Variants in COL21A1 observed in about 807,000 individuals in gnomAD.
COL21A1 encodes the protein collagen alpha-1(XXI) chain.
Under a neutral mutation model 137.9 loss-of-function variants are expected in COL21A1, and 149 were observed. The ratio of observed to expected loss-of-function variants is 1.08; its 90% CI spans 0.95 to 1.24. The LOEUF (loss-of-function observed/expected upper bound fraction) is 1.24, where lower values mean the gene tolerates loss of function less well. COL21A1 is among the 50% of genes most tolerant of loss of function. The probability of loss-of-function intolerance (pLI) is 0.00; values close to 1 mark genes in which losing one functional copy is unlikely to be tolerated. For synonymous variants in COL21A1, 456 were observed against 391.5 expected (o/e 1.16, Z -1.95); for missense variants, 1,167 against 1,158.4 (o/e 1.01, Z -0.11).
In COL21A1 at chr6:56,154,862, T is replaced by C. The variant is rs78448685; in HGVS notation, c.1434+2025A>G. Among the ~76,000 whole-genome samples, 1,241 of 152,268 alleles carry C rather than the reference T, an allele frequency of 8.2e-3. 19 individuals are homozygous for C. Among genetic ancestry groups the C allele is most frequent in the African/African-American group, 0.029 (1,197 of 41,540 alleles). On this transcript the variant is annotated intron_variant, in intron 10 of 29. Coordinates refer to ENST00000244728, the MANE Select transcript of COL21A1 (RefSeq NM_030820.4). ...CATTTCCAGGTGGCTACCACTTTTG[T>C]TTACCCCTTCAGCCTCCCTACTTTT...
chr6:56,113,009 A>G (rs548116745), intron 16 of COL21A1, among the ~76,000 whole-genome samples: 7 of 152,332 alleles, frequency 4.6e-5, no homozygotes, highest in Admixed American at 1.3e-4. Flanking sequence ...AACCAGCCCC[A>G]GCCAAAGGAG....
chr6:56,200,305 C>T (rs1779296707), intron 1 of COL21A1, among the ~76,000 whole-genome samples: 1 of 151,976 alleles, frequency 6.6e-6, no homozygotes, highest in South Asian at 2.1e-4. Flanking sequence ...TCATGATCTG[C>T]TTTTTTTAAA....
chr6:56,239,074 C>A (rs986518628), intron 1 of COL21A1, among the ~76,000 whole-genome samples: 1 of 152,278 alleles, frequency 6.6e-6, no homozygotes, highest in Non-Finnish European at 1.5e-5. Context: ...AACCATACAA[C>A]ACTCATAATC....
At chr6:56,167,563 A>G (rs542916919) in intron 6 of COL21A1, among the ~76,000 whole-genome samples, 20 of 152,350 alleles carry the variant, frequency 1.3e-4, no homozygotes, top group African/African-American at 4.8e-4. Context: ...ACCTTTTCAA[A>G]TAAAGGGTTT....
chr6:56,352,787 C>A (rs1765740374), intron 1 of COL21A1, among the ~76,000 whole-genome samples: 1 of 152,152 alleles, frequency 6.6e-6, no homozygotes, highest in African/African-American at 2.4e-5. Flanking sequence ...CACCTGTAAT[C>A]CCAGCACTTT....
At position 56,273,277 on chromosome 6, in the gene COL21A1, G is replaced by A. The variant is rs142677204; in HGVS notation, c.-38-90621C>T. 5.2e-3 allele frequency among the ~76,000 whole-genome samples: 797 copies of A among 152,198 alleles called. 8 individuals carry two copies. Among genetic ancestry groups the A allele is most frequent in the African/African-American group, 0.016 (683 of 41,538 alleles). On this transcript the variant is annotated intron_variant, in intron 1 of 28. Coordinates refer to the COL21A1 transcript ENST00000370819. ...CTTCATAGTGCTAAACACCTTCATC[G>A]AGAAGTTAGAAACATCTCAAATTAA... is the stretch of plus-strand genomic sequence containing the variant.
At chr6:56,236,674 A>G (rs1322097519) in intron 1 of COL21A1, among the ~76,000 whole-genome samples, 3 of 152,072 alleles carry the variant, frequency 2.0e-5, no homozygotes, top group African/African-American at 7.2e-5. Context: ...ATGGAACTCA[A>G]TTAAACAGAG....
At chr6:56,195,572 AT>A (rs1337515892) in intron 1 of COL21A1, among the ~76,000 whole-genome samples, 1 of 152,158 alleles carries the variant, frequency 6.6e-6, no homozygotes, top group Non-Finnish European at 1.5e-5. Context: ...ATTATAAATG[AT>A]AGTTCAGAGA....
At chr6:56,143,199 C>CTT (rs1201380404) in intron 10 of COL21A1, among the ~76,000 whole-genome samples, 64 of 124,528 alleles carry the variant, frequency 5.1e-4, no homozygotes, top group East Asian at 8.9e-4. Context: ...TACAATTTTT[C>CTT]TTTTTTTTTT....
chr6:56,185,080 C>T (rs1778176529), intron 1 of COL21A1, among the ~76,000 whole-genome samples: 1 of 151,398 alleles, frequency 6.6e-6, no homozygotes, highest in Non-Finnish European at 1.5e-5. Context: ...TAAAGCAGCA[C>T]TTACAGAGAA....
chr6:56,119,094 A>T (rs1175286339), intron 16 of COL21A1, among the ~76,000 whole-genome samples: 2 of 152,112 alleles, frequency 1.3e-5, no homozygotes, highest in African/African-American at 4.8e-5. Context: ...ATCAGACAAG[A>T]GAAAGTTATA....
intron 5 of COL21A1, among the ~76,000 whole-genome samples, 184 bp downstream of exon 5, chr6:56,170,465 C>T (rs556464288): frequency 6.6e-6 from 1 of 152,034 alleles, no homozygotes; most frequent in South Asian, 2.1e-4. Context: ...CATTTGTCCC[C>T]ATATTGATCA....
At chr6:56,218,135 A>G (rs1412259770) in intron 1 of COL21A1, among the ~76,000 whole-genome samples, 2 of 152,098 alleles carry the variant, frequency 1.3e-5, no homozygotes, top group African/African-American at 2.4e-5. Context: ...ATACACTAAA[A>G]ATGTTTCTGG....
At chr6:56,240,082 C>T (rs1782189419) in intron 1 of COL21A1, among the ~76,000 whole-genome samples, 1 of 151,994 alleles carries the variant, frequency 6.6e-6, no homozygotes, top group South Asian at 2.1e-4. Context: ...CTGTCTGCCA[C>T]CAGGCAAGAT....
At chr6:56,237,304 T>A (rs1781967295) in intron 1 of COL21A1, among the ~76,000 whole-genome samples, 1 of 152,114 alleles carries the variant, frequency 6.6e-6, no homozygotes, top group Non-Finnish European at 1.5e-5. Flanking sequence ...AAAACAGGTT[T>A]GCCCTGTCTA....
intron 1 of COL21A1, among the ~76,000 whole-genome samples, chr6:56,259,655 T>C (rs1763203832): frequency 6.6e-6 from 1 of 152,250 alleles, no homozygotes; most frequent in African/African-American, 2.4e-5. Flanking sequence ...ATGCATCTCA[T>C]TGTTTCTCTT....
At chr6:56,164,274 G>GA (rs951534786) in intron 9 of COL21A1, 149 bp downstream of exon 9, 72 of 615,144 alleles carry the variant, frequency 1.2e-4, no homozygotes, top group African/African-American at 5.2e-4. Context: ...TGTTTTTCTA[G>GA]AAAAAAAATG....
At chr6:56,373,387 AG>A (rs1362140898) in intron 1 of COL21A1, among the ~76,000 whole-genome samples, 2 of 152,186 alleles carry the variant, frequency 1.3e-5, no homozygotes, top group African/African-American at 2.4e-5. Flanking sequence ...GGATCACTTG[AG>A]GTCAGGAGTT....
chr6:56,126,842 T>C (rs189915641), intron 12 of COL21A1, among the ~76,000 whole-genome samples: 26 of 152,296 alleles, frequency 1.7e-4, no homozygotes, highest in Non-Finnish European at 7.4e-5. Context: ...TTCACTTTTA[T>C]CTAGACAAAT....
Sources: gnomAD v4.1 joint callset for allele counts (sites outside exome capture counted in the v4.1 genomes callset) on GRCh38, gnomAD v4.1.1 for gene constraint, MANE v1.5 for transcripts, NCBI Gene and HGNC (gene_info 2026-07-23, HGNC 2026-07-21) for gene names.